Variants in DOCK2 observed in about 807,000 individuals in gnomAD.
DOCK2 encodes the protein dedicator of cytokinesis 2.
Under a neutral mutation model 248.9 loss-of-function variants are expected in DOCK2, and 87 were observed. The observed-to-expected ratio is 0.35, with a 90% confidence interval of 0.29 to 0.42. The LOEUF is 0.42. Ranked by LOEUF, DOCK2 falls within the 10% of genes least tolerant of loss-of-function variation. The pLI, the probability that DOCK2 is intolerant of heterozygous loss-of-function variation, is 1.00. For missense variants in DOCK2, 1,747 were observed against 2,300.2 expected (o/e 0.76, Z 4.92); for synonymous variants, 805 against 821.6 (o/e 0.98, Z 0.35).
intron 27 of DOCK2, among the ~76,000 whole-genome samples, chr5:169,975,891 G>A (rs1377728024): frequency 1.3e-5 from 2 of 152,172 alleles, no homozygotes; most frequent in Non-Finnish European, 2.9e-5. Context: ...CATAGTAGGT[G>A]CTCAAGAAAT....
chr5:170,063,505 A>G (rs1757399617), intron 44 of DOCK2, among the ~76,000 whole-genome samples: 1 of 152,192 alleles, frequency 6.6e-6, no homozygotes, highest in Non-Finnish European at 1.5e-5. Flanking sequence ...TGGCTACTTG[A>G]TGGCCTGGCA....
chr5:170,059,175 C>T (rs1012821449), intron 44 of DOCK2, among the ~76,000 whole-genome samples: 1 of 151,392 alleles, frequency 6.6e-6, no homozygotes, highest in Non-Finnish European at 1.5e-5. Context: ...AAGAAGAGCC[C>T]ACCCCAGCCC....
intron 50 of DOCK2, 84 bp downstream of exon 50, chr5:170,080,367 T>A: frequency 6.3e-7 from 1 of 1,576,866 alleles, no homozygotes; most frequent in South Asian, 1.2e-5. Context: ...ATGGGAACTG[T>A]GTCTACACAA....
intron 33 of DOCK2, among the ~76,000 whole-genome samples, chr5:170,024,550 T>C (rs1755840331): frequency 6.6e-6 from 1 of 152,128 alleles, no homozygotes; most frequent in African/African-American, 2.4e-5. Context: ...CTAACAATTA[T>C]TGAGCACTTA....
At position 169,821,893 on chromosome 5, in the gene DOCK2, G is replaced by A. The variant is rs140891795; in HGVS notation, c.2703+18687G>A. Among the ~76,000 whole-genome samples, 94 of 152,184 alleles carry A rather than the reference G, an allele frequency of 6.2e-4. 2 individuals carry two copies. In the East Asian group the frequency reaches 8.5e-3, roughly 14 times the overall value. ...AAACCCATCTCACGTGCAGAGACAC[G>A]CATAGGCTTAAAATAAAGGGATGGA... On this transcript the variant is annotated intron_variant, in intron 26 of 51. Coordinates refer to ENST00000520908, the MANE Select transcript of DOCK2 (RefSeq NM_004946.3).
At chr5:170,030,503 C>A (rs999691421) in intron 34 of DOCK2, among the ~76,000 whole-genome samples, 1 of 152,078 alleles carries the variant, frequency 6.6e-6, no homozygotes, top group African/African-American at 2.4e-5. Context: ...ATTGATTAGG[C>A]CTTATCTGAA....
rs374052526 is a variant in DOCK2, at chr5:169,931,387, C to T, written c.2800-51681C>T. On this transcript the variant is annotated intron_variant, in intron 27 of 51. Transcript: ENST00000520908. Reference sequence around the variant, plus strand: ...AGGGCTTGCCTTGATATTGCCGCCTCTCGGCAATTGAACACTTCTCCCGTT... The same window carrying T: ...AGGGCTTGCCTTGATATTGCCGCCTTTCGGCAATTGAACACTTCTCCCGTT... 2.4e-4 allele frequency among the ~76,000 whole-genome samples: 37 copies of T among 152,346 alleles called. 1 individual carries two copies. The highest frequency in any genetic ancestry group is 2.1e-3 in the South Asian group (10 of 4,826).
intron 30 of DOCK2, chr5:169,998,101 C>T (rs954402039): frequency 1.1e-5 from 5 of 454,506 alleles, no homozygotes; most frequent in Non-Finnish European, 1.8e-5. Context: ...CTGAGGATCA[C>T]CCCCACTCAC....
chr5:169,804,791 CTG>C (rs1281684710), intron 26 of DOCK2, among the ~76,000 whole-genome samples: 7 of 152,264 alleles, frequency 4.6e-5, no homozygotes, highest in East Asian at 1.9e-4. Flanking sequence ...GATTCAGACT[CTG>C]TGTAATCACA....
chr5:169,808,142 C>T (rs962637316), intron 26 of DOCK2, among the ~76,000 whole-genome samples: 3 of 152,112 alleles, frequency 2.0e-5, no homozygotes, highest in Non-Finnish European at 1.5e-5. Context: ...AAGAGCATAG[C>T]CATTTTTACT....
At chr5:169,803,960 C>T (rs2113136124) in intron 26 of DOCK2, among the ~76,000 whole-genome samples, 1 of 152,276 alleles carries the variant, frequency 6.6e-6, no homozygotes, top group South Asian at 2.1e-4. Context: ...TCCTCTTTGT[C>T]CTTGAGTAAT....
intron 19 of DOCK2, 61 bp from the exon 20 acceptor site, chr5:169,716,152 G>A (rs1169688496): frequency 2.1e-6 from 3 of 1,434,110 alleles, no homozygotes; most frequent in Non-Finnish European, 2.9e-6. Flanking sequence ...GAGTGGGATT[G>A]CTGGTTCACC....
chr5:169,943,438 C>G (rs752544790), intron 27 of DOCK2, among the ~76,000 whole-genome samples: 34 of 152,142 alleles, frequency 2.2e-4, no homozygotes, highest in Non-Finnish European at 4.7e-4. Context: ...AATGTGAATC[C>G]TTTCTAACAT....
intron 44 of DOCK2, among the ~76,000 whole-genome samples, chr5:170,061,791 A>G (rs1031492682): frequency 1.3e-5 from 2 of 152,186 alleles, no homozygotes; most frequent in African/African-American, 2.4e-5. Context: ...AGTCTTTCAG[A>G]TATGGCAGTC....
Position 169,708,249 on chromosome 5 carries a change from C to A in DOCK2, c.1464C>A (p.Arg488=), listed in dbSNP as rs1269311421. The A allele has an allele frequency of 6.2e-7, 1 of 1,613,790 alleles. No homozygotes were observed. Among genetic ancestry groups the A allele is most frequent in the Admixed American group, 1.7e-5 (1 of 59,986 alleles). ...SVVYYQVKQP[R]WMETVKVAVP... The stretch of plus-strand genomic sequence containing the variant: ...TGTACTATCAAGTCAAACAGCCACG[C>A]TGGATGGAAACAGTCAAGGTAATAA... Residue 488 remains arginine (R), a synonymous_variant, in exon 15 of 52, where the codon CGC becomes CGA. Coordinates refer to ENST00000520908, the MANE Select transcript of DOCK2 (RefSeq NM_004946.3).
At chr5:169,712,870 T>C (rs1289047649) in intron 17 of DOCK2, among the ~76,000 whole-genome samples, 1 of 152,266 alleles carries the variant, frequency 6.6e-6, no homozygotes, top group Non-Finnish European at 1.5e-5. Context: ...TTTTACCTGC[T>C]GCTTTTCCAC....
chr5:169,844,013 C>T (rs753041989), intron 27 of DOCK2, among the ~76,000 whole-genome samples: 9 of 152,168 alleles, frequency 5.9e-5, no homozygotes, highest in Non-Finnish European at 1.3e-4. Flanking sequence ...CTGCTTTGAA[C>T]ATTCACAAAC....
chr5:170,036,041 T>C (rs1239876883), intron 35 of DOCK2, among the ~76,000 whole-genome samples: 8 of 152,210 alleles, frequency 5.3e-5, no homozygotes, highest in Admixed American at 4.6e-4. Context: ...GAATCCCATA[T>C]AATTCCTGAT....
intron 27 of DOCK2, among the ~76,000 whole-genome samples, chr5:169,972,570 TAGATAGATAGATAGATGATAGATAGATA>T (rs1777549576): frequency 1.5e-5 from 1 of 64,598 alleles, no homozygotes; most frequent in South Asian, 3.3e-4. Flanking sequence ...GATAGATAGA[TAGATAGATAGATAGATGATAGATAGATA>T]GATAGATAGA....
Sources: allele counts gnomAD v4.1 joint callset (sites outside exome capture counted in the v4.1 genomes callset), GRCh38; gene constraint gnomAD v4.1.1; transcripts MANE v1.5; gene names NCBI Gene and HGNC (gene_info 2026-07-23, HGNC 2026-07-21).